SERP2: variants seen among roughly 807,000 people sequenced by gnomAD.
SERP2 encodes the protein stress-associated endoplasmic reticulum protein 2.
Under a neutral mutation model 9.1 loss-of-function variants are expected in SERP2, and 6 were observed. The ratio of observed to expected loss-of-function variants is 0.66; its 90% CI spans 0.36 to 1.30. The LOEUF is 1.30. Ranked by LOEUF, SERP2 falls within the 50% of genes most tolerant of loss-of-function variation. SERP2 has a pLI of 0.03. For synonymous variants in SERP2, 37 were observed against 27.3 expected, an observed-to-expected ratio of 1.35 and a Z score of -1.10; for missense variants, 58 against 81.9, an observed-to-expected ratio of 0.71 and a Z score of 1.13.
chr13:44,395,873 A>T, intron 2 of SERP2: 1 of 456,138 alleles, frequency 2.2e-6, no homozygotes, highest in Non-Finnish European at 4.4e-6. Context: ...GTGACCAGAG[A>T]TGAGAAGAAA....
chr13:44,373,835 G>C lies in SERP2; in HGVS notation c.-191G>C. Reference sequence around the variant, plus strand: ...TGAGATGAGAGATTACTTCCGTCCGGGCTGCGGCCTCTCTCTGGAGTCGGC... The same window carrying C: ...TGAGATGAGAGATTACTTCCGTCCGCGCTGCGGCCTCTCTCTGGAGTCGGC... On this transcript the variant is annotated 5_prime_UTR_variant, in exon 1 of 3. Transcript: ENST00000379179. This position sits in a 1 kb window ranked among gnomAD's most constrained non-coding sequence, Gnocchi z 4.8. 1 of 533,634 alleles carries C rather than the reference G, an allele frequency of 1.9e-6. No homozygotes were observed. The highest frequency in any genetic ancestry group is 3.3e-6 in the Non-Finnish European group (1 of 304,182). The allele number at this position is 533,634 out of a possible 1,614,324, so 33.1% of individuals were successfully genotyped here.
chr13:44,393,114 T>C (rs1393549544), intron 2 of SERP2, among the ~76,000 whole-genome samples: 1 of 152,144 alleles, frequency 6.6e-6, no homozygotes, highest in Non-Finnish European at 1.5e-5. Context: ...CCTGTTACAC[T>C]AAGCGACTCA....
intron 2 of SERP2, among the ~76,000 whole-genome samples, chr13:44,382,889 G>A (rs552926773): frequency 5.3e-5 from 8 of 152,334 alleles, no homozygotes; most frequent in African/African-American, 1.7e-4. Flanking sequence ...CAGGGAAAGC[G>A]CACTGCGATA....
intron 2 of SERP2, among the ~76,000 whole-genome samples, chr13:44,396,326 T>G (rs2138802638): frequency 6.6e-6 from 1 of 151,920 alleles, no homozygotes; most frequent in East Asian, 1.9e-4. Context: ...GGATCCTGGA[T>G]GTATTCCAGG....
upstream of SERP2, chr13:44,373,728 CGGTCGCGCCTGCCTCGGT>C (rs562773490): frequency 2.7e-6 from 1 of 363,922 alleles, no homozygotes; most frequent in East Asian, 5.6e-5. This position sits in a 1 kb window ranked among gnomAD's most constrained non-coding sequence, Gnocchi z 4.8. Context: ...GGAGGACGTG[CGGTCGCGCCTGCCTCGGT>C]GGCCGCGCGG....
intron 2 of SERP2, among the ~76,000 whole-genome samples, chr13:44,394,787 G>C (rs556548609): frequency 6.6e-6 from 1 of 152,330 alleles, no homozygotes; most frequent in South Asian, 2.1e-4. Context: ...GCACTGGTCT[G>C]CATGCTGGGA....
At chr13:44,383,205 GATAT>G (rs146512814) in intron 2 of SERP2, among the ~76,000 whole-genome samples, 8,102 of 152,182 alleles carry the variant, frequency 0.053, 247 homozygotes, top group Admixed American at 0.088. Context: ...AGTAGATAAA[GATAT>G]ATATAGGCTT....
chr13:44,380,641 A>G (rs1316101493), intron 2 of SERP2, among the ~76,000 whole-genome samples: 1 of 152,238 alleles, frequency 6.6e-6, no homozygotes, highest in Admixed American at 6.5e-5. Context: ...GAAGGATCCA[A>G]AGTACTTGGC....
At position 44,374,031 on chromosome 13, in the gene SERP2, G is replaced by A. The variant is rs1281789907; in HGVS notation, c.6G>A (p.Val2=). ...CATTTCAGAGCGCACAAGCCATGGT[G>A]GCCAAACAGCGGATCCGGATGGCTA... is the stretch of plus-strand genomic sequence containing the variant. M[V]AKQRIRMANE... is the part of the protein sequence containing the mutation. The change falls in exon 1 of 3, where the codon GTG becomes GTA. Residue 2 remains valine, a synonymous_variant. Coordinates refer to ENST00000379179, the MANE Select transcript of SERP2 (RefSeq NM_001010897.3). The A allele has an allele frequency of 1.3e-6, 2 of 1,595,582 alleles. No homozygotes were observed. The highest frequency in any genetic ancestry group is 1.7e-6 in the Non-Finnish European group (2 of 1,171,322).
At chr13:44,390,296 T>TCACCCCC in intron 2 of SERP2, 1 of 188,776 alleles carries the variant, frequency 5.3e-6, no homozygotes. Context: ...GCCACCGGTG[T>TCACCCCC]CCCCACCCAC....
intron 2 of SERP2, among the ~76,000 whole-genome samples, chr13:44,395,095 A>G (rs747291217): frequency 7.2e-5 from 11 of 152,260 alleles, no homozygotes; most frequent in Non-Finnish European, 1.2e-4. Flanking sequence ...TAGTTCCCTG[A>G]TCACAAGAAC....
upstream of SERP2, chr13:44,373,712 G>T (rs1002814057): frequency 2.1e-5 from 7 of 333,692 alleles, no homozygotes; most frequent in Admixed American, 3.8e-4. This position sits in a 1 kb window ranked among gnomAD's most constrained non-coding sequence, Gnocchi z 4.8. Flanking sequence ...CCGGCCGCTC[G>T]GCGCGGGAGG....
intron 1 of SERP2, among the ~76,000 whole-genome samples, chr13:44,376,699 C>G (rs1016869963): frequency 6.6e-6 from 1 of 151,858 alleles, no homozygotes; most frequent in Admixed American, 6.6e-5. Flanking sequence ...GGCTTGAACC[C>G]GGGAGGCAGA....
chr13:44,383,102 G>A (rs1441642802), intron 2 of SERP2, among the ~76,000 whole-genome samples: 1 of 152,102 alleles, frequency 6.6e-6, no homozygotes. Flanking sequence ...GAATGTGCTG[G>A]GCTCAAGAAT....
intron 2 of SERP2, 122 bp downstream of exon 2, chr13:44,379,835 CT>C (rs1469251910): frequency 4.6e-6 from 3 of 648,870 alleles, no homozygotes; most frequent in Non-Finnish European, 8.2e-6. Flanking sequence ...TTATCACTGC[CT>C]TAAGCCTTAA....
chr13:44,393,383 G>T (rs1254736263), intron 2 of SERP2, among the ~76,000 whole-genome samples: 1 of 152,122 alleles, frequency 6.6e-6, no homozygotes, highest in Non-Finnish European at 1.5e-5. Flanking sequence ...TGAAAGGGGT[G>T]CTGAAAAAAG....
At chr13:44,383,113 A>G (rs1178562574) in intron 2 of SERP2, among the ~76,000 whole-genome samples, 1 of 152,152 alleles carries the variant, frequency 6.6e-6, no homozygotes, top group East Asian at 1.9e-4. Context: ...GCTCAAGAAT[A>G]TAAGGTGCTC....
Position 44,385,731 on chromosome 13 carries a change from T to C in SERP2, c.157+6018T>C, listed in dbSNP as rs556548363. On this transcript the variant is annotated intron_variant, in intron 2 of 2. Coordinates refer to ENST00000379179, the MANE Select transcript of SERP2 (RefSeq NM_001010897.3). ...AGCTGAATGACCTTGGACAAGGTAT[T>C]TACTCTTGGTATTGATTCCCTTATC... Among the ~76,000 whole-genome samples the C allele has an allele frequency of 5.9e-5, 9 of 152,260 alleles. No individual in the cohort carries two copies. The South Asian group carries it at 1.9e-3, about 32-fold the overall frequency.
chr13:44,389,613 T>C (rs1872518763), intron 2 of SERP2, among the ~76,000 whole-genome samples: 1 of 152,064 alleles, frequency 6.6e-6, no homozygotes, highest in Admixed American at 6.5e-5. Flanking sequence ...TTTTTGATGG[T>C]GAGAAAATTT....
Sources: allele counts gnomAD v4.1 joint callset (sites outside exome capture counted in the v4.1 genomes callset), GRCh38; gene constraint gnomAD v4.1.1; non-coding constraint Gnocchi (gnomAD v3.1); transcripts MANE v1.5; gene names NCBI Gene and HGNC (gene_info 2026-07-23, HGNC 2026-07-21).